Variants in NUP210L observed in about 807,000 individuals in gnomAD.
The protein encoded by NUP210L is nucleoporin 210 like.
A neutral mutation model predicts 208.5 loss-of-function variants in NUP210L; 74 were observed. The observed-to-expected ratio is 0.35, with a 90% CI of 0.29 to 0.43. NUP210L has a LOEUF of 0.43. Among genes scored for constraint, NUP210L ranks in the 20% least tolerant of loss-of-function variants. The pLI is 1.00. For synonymous variants in NUP210L, 780 were observed against 816.9 expected (o/e 0.95, Z 0.77); for missense variants, 1,843 against 2,289.4 (o/e 0.81, Z 3.98).
chr1:154,132,598 T>C (rs1343553721), intron 7 of NUP210L, among the ~76,000 whole-genome samples: 1 of 152,052 alleles, frequency 6.6e-6, no homozygotes, highest in Non-Finnish European at 1.5e-5. Flanking sequence ...ACAAATACAA[T>C]GTATTTTAAT....
At chr1:154,103,671 C>CAAA (rs553564283) in intron 13 of NUP210L, among the ~76,000 whole-genome samples, 1 of 37,758 alleles carries the variant, frequency 2.6e-5, no homozygotes. Flanking sequence ...GACTCCGTCT[C>CAAA]AAAAAAAAAA....
chr1:154,021,178 G>T (rs894405343), intron 32 of NUP210L, among the ~76,000 whole-genome samples: 2 of 152,112 alleles, frequency 1.3e-5, no homozygotes, highest in Non-Finnish European at 2.9e-5. Context: ...TTGACCTCGT[G>T]ATCCCGCCAC....
chr1:154,103,039 G>A (rs1175951328), intron 13 of NUP210L, among the ~76,000 whole-genome samples: 1 of 151,902 alleles, frequency 6.6e-6, no homozygotes, highest in Non-Finnish European at 1.5e-5. Context: ...TTGCACCACT[G>A]CACTCCAGCC....
intron 25 of NUP210L, among the ~76,000 whole-genome samples, chr1:154,050,254 A>T (rs559525117): frequency 5.5e-4 from 84 of 152,330 alleles, no homozygotes; most frequent in Non-Finnish European, 1.0e-3. Context: ...AGGGGACATT[A>T]ATTGGATATG....
intron 37 of NUP210L, among the ~76,000 whole-genome samples, chr1:153,999,814 A>T (rs907569427): frequency 2.7e-5 from 4 of 149,898 alleles, no homozygotes; most frequent in Non-Finnish European, 4.4e-5. Flanking sequence ...TGTTAAACTG[A>T]CAACTATTCT....
chr1:154,042,795 A>ACTGCAACTT (rs1274191743), intron 27 of NUP210L, among the ~76,000 whole-genome samples: 8 of 150,222 alleles, frequency 5.3e-5, no homozygotes, highest in African/African-American at 2.0e-4. Context: ...ATCTCGGCTC[A>ACTGCAACTT]CTGCCTCTTG....
chr1:153,996,200 A>C (rs956026468), intron 37 of NUP210L, among the ~76,000 whole-genome samples: 10 of 152,110 alleles, frequency 6.6e-5, no homozygotes, highest in Admixed American at 6.6e-4. Context: ...GCTGAGGCAG[A>C]AGAATGGCGT....
At chr1:154,049,544 T>C (rs1377443484) in intron 25 of NUP210L, among the ~76,000 whole-genome samples, 1 of 152,168 alleles carries the variant, frequency 6.6e-6, no homozygotes, top group Admixed American at 6.5e-5. Context: ...GATAGAACAA[T>C]GGCCGTTAAG....
Position 154,135,798 on chromosome 1 carries a change from TTGAA to T in NUP210L, c.1009+12_1009+15del, listed in dbSNP as rs752390342. 103 of 1,610,704 alleles carry T rather than the reference TTGAA, an allele frequency of 6.4e-5. No homozygotes were observed. The East Asian group carries it at 2.3e-3, about 36-fold the overall frequency. On this transcript the variant is annotated intron_variant, in intron 7 of 39. Transcript: ENST00000368559. ...GGAAGTGTAGACTGGCAGCTAAAAC[TTGAA>T]CAAAAGGATACTTTTATGGACAAAG...
rs761144203 is a variant in NUP210L at position 154,031,120 on chromosome 1, G to T, written c.3697-1066C>A. Among the ~76,000 whole-genome samples the T allele has an allele frequency of 3.2e-4, 48 of 152,136 alleles. 1 individual carries two copies. The highest frequency in any genetic ancestry group is 8.5e-4 in the Admixed American group (13 of 15,256). Reference sequence around the variant, plus strand: ...TTAGTTTATTTTGAGATGGAGTCTTGTTCTGTTGACCAGTTTGGAGTGCAA... The same window carrying T: ...TTAGTTTATTTTGAGATGGAGTCTTTTTCTGTTGACCAGTTTGGAGTGCAA... On this transcript the variant is annotated intron_variant, in intron 27 of 39. Coordinates refer to ENST00000368559, the Ensembl canonical transcript of NUP210L.
At chr1:154,023,690 C>A (rs1241108288) in intron 30 of NUP210L, among the ~76,000 whole-genome samples, 1 of 152,054 alleles carries the variant, frequency 6.6e-6, no homozygotes, top group Non-Finnish European at 1.5e-5. Flanking sequence ...GTTGGCCAGG[C>A]TGGTCTCAAA....
chr1:154,138,298 ATCTT>A, intron 5 of NUP210L, 60 bp from the exon 6 acceptor site: 1 of 1,436,870 alleles, frequency 7.0e-7, no homozygotes, highest in Non-Finnish European at 9.3e-7. Context: ...CCTCACAGTC[ATCTT>A]TCTTGTTAAA....
intron 15 of NUP210L, among the ~76,000 whole-genome samples, chr1:154,091,071 G>GTTATTA (rs111324293): frequency 0.081 from 11,416 of 140,628 alleles, 492 homozygotes; most frequent in Middle Eastern, 0.11. Flanking sequence ...TATTATTGCT[G>GTTATTA]TTATTATTAT....
In NUP210L at chr1:154,094,423, G is replaced by A. The variant is rs188285126; in HGVS notation, c.2187+512C>T. ...CAGTGAGCCGAGATCGTGCCACTGC[G>A]CTCCAGCTTGGGCAACAGAGTGAGA... On this transcript the variant is annotated intron_variant, in intron 15 of 39. Transcript: ENST00000368559. Among the ~76,000 whole-genome samples the A allele has an allele frequency of 2.1e-3, 320 of 152,136 alleles. 2 individuals are homozygous for A. Among genetic ancestry groups the A allele is most frequent in the Non-Finnish European group, 3.7e-3 (253 of 67,994 alleles).
At chr1:154,022,057 TTTTTAATAACTGCTTTTTA>T in intron 32 of NUP210L, 50 bp downstream of exon 32, 1 of 1,373,756 alleles carries the variant, frequency 7.3e-7, no homozygotes, top group Non-Finnish European at 1.0e-6. Context: ...ACTGCTTTTT[TTTTTAATAACTGCTTTTTA>T]ATCCCCACAA....
exon 34 of NUP210L, chr1:154,012,341 C>T (rs1650973931): frequency 6.2e-7 from 1 of 1,613,440 alleles, no homozygotes; most frequent in Admixed American, 1.7e-5. Flanking sequence ...CATAACTGAG[C>T]ATTAATCTTG....
chr1:154,139,899 A>C, exon 5 of NUP210L: 1 of 1,611,662 alleles, frequency 6.2e-7, no homozygotes, highest in Non-Finnish European at 8.5e-7. Context: ...CTCTTTTTCC[A>C]TCTCAGCTAT....
At chr1:154,055,189 T>TTC (rs1553229009) in intron 23 of NUP210L, among the ~76,000 whole-genome samples, 4 of 130,722 alleles carry the variant, frequency 3.1e-5, no homozygotes, top group African/African-American at 8.2e-5. Context: ...CTTTCTTTCT[T>TTC]TTTCTTTCTT....
At chr1:154,083,987 G>A (rs1655494677) in intron 16 of NUP210L, among the ~76,000 whole-genome samples, 1 of 151,062 alleles carries the variant, frequency 6.6e-6, no homozygotes, top group South Asian at 2.1e-4. Context: ...AGAGATGGTG[G>A]TAGTCTCAAC....
Sources: gnomAD v4.1 joint callset for allele counts (sites outside exome capture counted in the v4.1 genomes callset) on GRCh38, gnomAD v4.1.1 for gene constraint, MANE v1.5 for transcripts, NCBI Gene and HGNC (gene_info 2026-07-23, HGNC 2026-07-21) for gene names.